Variants in RNF149 observed in about 807,000 individuals in gnomAD.
The protein encoded by RNF149 is ring finger protein 149, also known as E3 ubiquitin-protein ligase RNF149.
In RNF149, 21 loss-of-function variants were observed where a neutral mutation model predicts 39.0. That is an observed-to-expected ratio of 0.54 (90% CI 0.38 to 0.77). The LOEUF is 0.77. Ranked by LOEUF, RNF149 falls within the 30% of genes least tolerant of loss-of-function variation. RNF149 has a pLI of 0.00. For synonymous variants in RNF149, 209 were observed against 213.6 expected, an observed-to-expected ratio of 0.98 and a Z score of 0.19; for missense variants, 493 against 534.9, an observed-to-expected ratio of 0.92 and a Z score of 0.77.
At chr2:101,282,446 C>T (rs1388640853) in intron 5 of RNF149, among the ~76,000 whole-genome samples, 2 of 152,002 alleles carry the variant, frequency 1.3e-5, no homozygotes, top group African/African-American at 2.4e-5. Flanking sequence ...CAGAAATAAA[C>T]AAGGCTTTTG....
rs567409868 is a variant in RNF149 at position 101,293,520 on chromosome 2, T to C, written c.780+494A>G. On this transcript the variant is annotated intron_variant, in intron 3 of 6. Transcript: ENST00000295317. ...TCTGGTATGATTTCGAACTTTTAAGTGTCAGATTAGCCATGTCAAAATGTT... is the reference window on the plus strand; with the variant it reads ...TCTGGTATGATTTCGAACTTTTAAGCGTCAGATTAGCCATGTCAAAATGTT... Among the ~76,000 whole-genome samples, 6 of 152,344 alleles carry C rather than the reference T, an allele frequency of 3.9e-5. No homozygotes were observed. In the East Asian group the frequency reaches 1.2e-3, roughly 29 times the overall value.
At chr2:101,303,517 A>G (rs1367986570) in intron 1 of RNF149, among the ~76,000 whole-genome samples, 1 of 152,162 alleles carries the variant, frequency 6.6e-6, no homozygotes, top group East Asian at 1.9e-4. Flanking sequence ...ATCCATTCAT[A>G]AAAGACTATT....
chr2:101,283,340 C>G (rs1275596831), intron 5 of RNF149, among the ~76,000 whole-genome samples: 1 of 152,128 alleles, frequency 6.6e-6, no homozygotes, highest in Non-Finnish European at 1.5e-5. Context: ...CTTTGTCTCC[C>G]CAGAGCCAAG....
At chr2:101,284,794 A>C (rs1188013438) in intron 5 of RNF149, among the ~76,000 whole-genome samples, 1 of 152,236 alleles carries the variant, frequency 6.6e-6, no homozygotes, top group Non-Finnish European at 1.5e-5. Context: ...AAAAAACCCC[A>C]AATTGTAGTT....
At chr2:101,304,911 G>T (rs932325729) in intron 1 of RNF149, among the ~76,000 whole-genome samples, 1 of 148,344 alleles carries the variant, frequency 6.7e-6, no homozygotes, top group African/African-American at 2.5e-5. Flanking sequence ...CACAATCTCG[G>T]CTTACTGCAA....
intron 4 of RNF149, among the ~76,000 whole-genome samples, chr2:101,287,074 C>T (rs1192797): frequency 0.14 from 21,951 of 152,234 alleles, 2,056 homozygotes; most frequent in South Asian, 0.3. Flanking sequence ...GTAATCCCAA[C>T]ATTTTGGGAG....
chr2:101,277,492 G>C (rs574615903), intron 6 of RNF149, among the ~76,000 whole-genome samples: 1 of 146,188 alleles, frequency 6.8e-6, no homozygotes, highest in Non-Finnish European at 1.6e-5. Context: ...GGGTTCAAGC[G>C]ATTCTCCTGC....
chr2:101,274,289 A>G (rs549811259), downstream of RNF149, among the ~76,000 whole-genome samples: 4 of 152,304 alleles, frequency 2.6e-5, no homozygotes, highest in Non-Finnish European at 5.9e-5. Context: ...TGGGTCCAGC[A>G]TTTGCCATGG....
chr2:101,301,799 T>G (rs962846207), intron 1 of RNF149, among the ~76,000 whole-genome samples: 5 of 152,354 alleles, frequency 3.3e-5, no homozygotes, highest in African/African-American at 1.2e-4. Context: ...TTAAAATTCT[T>G]CTGGATGACA....
intron 1 of RNF149, among the ~76,000 whole-genome samples, chr2:101,297,044 A>G (rs191067644): frequency 1.3e-5 from 2 of 152,228 alleles, no homozygotes; most frequent in Admixed American, 1.3e-4. Context: ...CCCCGTCTCT[A>G]CTGAAATTAC....
In RNF149 at chr2:101,289,000, T is replaced by A. The variant is rs1267905751; in HGVS notation, c.836A>T (p.Lys279Met). The A allele has an allele frequency of 6.3e-7, 1 of 1,583,022 alleles. No individual in the cohort carries two copies. Among genetic ancestry groups the A allele is most frequent in the Non-Finnish European group, 8.7e-7 (1 of 1,153,632 alleles). Residue 279 changes from lysine (K) to methionine (M), a missense_variant, in exon 4 of 7, where the codon AAG becomes ATG. Transcript: ENST00000295317. ...GCATGGCAGAATTCTAATAATATCC[T>A]TTACTTTGAAATTTTCAATACACAC... Reference protein sequence around the residue: ...CAVCIENFKVKDIIRILPCKH... With the variant: ...CAVCIENFKVMDIIRILPCKH...
intron 4 of RNF149, chr2:101,286,592 G>A (rs1682803181): frequency 6.4e-6 from 1 of 156,664 alleles, no homozygotes; most frequent in Non-Finnish European, 1.4e-5. Flanking sequence ...ATCATCTTGC[G>A]GTGGTAGGCT....
At chr2:101,307,734 C>T (rs1573273990) in intron 1 of RNF149, 2 of 780,878 alleles carry the variant, frequency 2.6e-6, no homozygotes, top group East Asian at 1.3e-4. Context: ...GACAACCGAT[C>T]GTGGGGCGCG....
Position 101,294,920 on chromosome 2 carries a change from T to C in RNF149, c.711+11A>G, listed in dbSNP as rs1290770923. 1 of 1,598,000 alleles carries C rather than the reference T, an allele frequency of 6.3e-7. No individual in the cohort carries two copies. The highest frequency in any genetic ancestry group is 8.6e-7 in the Non-Finnish European group (1 of 1,168,196). On this transcript the variant is annotated intron_variant, in intron 2 of 6. Coordinates refer to ENST00000295317, the MANE Select transcript of RNF149 (RefSeq NM_173647.4). ...TTTTAAAAAGCAAAATTCAGAGTTA[T>C]CCATCATTACCTGACTTCCAATCTG...
intron 1 of RNF149, among the ~76,000 whole-genome samples, chr2:101,297,535 T>G (rs1034386498): frequency 2.4e-4 from 30 of 126,190 alleles, no homozygotes; most frequent in African/African-American, 7.8e-4. Flanking sequence ...TTTTTTCATT[T>G]TTTTTTAGAG....
chr2:101,307,078 A>G (rs1683693861), intron 1 of RNF149, among the ~76,000 whole-genome samples: 1 of 152,252 alleles, frequency 6.6e-6, no homozygotes, highest in South Asian at 2.1e-4. Context: ...CTTAGTTTCA[A>G]GGACATTTTG....
At chr2:101,282,639 G>A (rs1036747241) in intron 5 of RNF149, among the ~76,000 whole-genome samples, 1 of 152,164 alleles carries the variant, frequency 6.6e-6, no homozygotes, top group Non-Finnish European at 1.5e-5. Context: ...ACTGCATTAA[G>A]TCTCAACATT....
downstream of RNF149, among the ~76,000 whole-genome samples, chr2:101,275,090 T>C (rs1367697648): frequency 1.5e-3 from 197 of 129,136 alleles, no homozygotes; most frequent in Middle Eastern, 0.011. Context: ...CCACCACGCC[T>C]GGCCCTTCCC....
At position 101,281,947 on chromosome 2, in the gene RNF149, G is replaced by A; in HGVS notation, c.1071C>T (p.Ser357=). The A allele has an allele frequency of 1.2e-6, 2 of 1,613,866 alleles. No individual in the cohort carries two copies. The highest frequency in any genetic ancestry group is 1.7e-6 in the Non-Finnish European group (2 of 1,179,862). Residue 357 remains serine (S), a synonymous_variant, in exon 6 of 7, where the codon AGC becomes AGT. Coordinates refer to ENST00000295317, the MANE Select transcript of RNF149 (RefSeq NM_173647.4). ...CAGCAGGGGAGGCTGATGGTGGACT[G>A]CTGTCATCACTTCCGTCATCATCTG... ...ALPDDDGSDD[S]SPPSASPAES...
Sources: gnomAD v4.1 joint callset for allele counts (sites outside exome capture counted in the v4.1 genomes callset) on GRCh38, gnomAD v4.1.1 for gene constraint, MANE v1.5 for transcripts, NCBI Gene and HGNC (gene_info 2026-07-23, HGNC 2026-07-21) for gene names.